Variants in VPS9D1 observed in about 807,000 individuals in gnomAD.
VPS9D1 encodes the protein VPS9 domain containing 1, also known as VPS9 domain-containing protein 1.
A neutral mutation model predicts 75.8 loss-of-function variants in VPS9D1; 78 were observed. The ratio of observed to expected loss-of-function variants is 1.03; its 90% CI spans 0.86 to 1.24. The LOEUF (loss-of-function observed/expected upper bound fraction) is 1.24, where lower values mean the gene tolerates loss of function less well. Among genes scored for constraint, VPS9D1 ranks in the 50% most tolerant of loss-of-function variants. The pLI is 0.00. For missense variants in VPS9D1, 1,057 were observed against 847.7 expected (o/e 1.25, Z -3.07); for synonymous variants, 481 against 385.6 (o/e 1.25, Z -2.90).
In VPS9D1 at chr16:89,716,686, C is replaced by T. The variant is rs73260733; in HGVS notation, c.268+44G>A. 2,223 of 1,596,998 alleles carry T rather than the reference C, an allele frequency of 1.4e-3. 44 individuals are homozygous for T. In the African/African-American group the frequency reaches 0.027, roughly 19 times the overall value. On this transcript the variant is annotated intron_variant, in intron 3 of 14. Transcript: ENST00000389386. ...CCACATCCCACAGAGGAGATGCGGG[C>T]TTGGGGGATGCCCCAGGAGAGCCGC... is the stretch of plus-strand genomic sequence containing the variant.
At chr16:89,708,987 T>A (rs775866167) in intron 12 of VPS9D1, 31 bp from the exon 13 acceptor site, 1 of 1,561,808 alleles carries the variant, frequency 6.4e-7, no homozygotes, top group South Asian at 1.2e-5. Context: ...CAGGGGCAGT[T>A]AACCCCGTCC....
Position 89,708,961 on chromosome 16 carries a change from GC to G in VPS9D1, c.1598-6del, listed in dbSNP as rs749418963. ...AGATGATCCGCAGGGTCCGCACTGC[GC>G]CCCAGACAGGGTTTCAGGGGCAGTT... On this transcript the variant is annotated splice_polypyrimidine_tract_variant and splice_region_variant and intron_variant, in intron 12 of 14. Coordinates refer to ENST00000389386, the MANE Select transcript of VPS9D1 (RefSeq NM_004913.3). 2 of 1,592,966 alleles carry G rather than the reference GC, an allele frequency of 1.3e-6. No homozygotes were observed. Among genetic ancestry groups the G allele is most frequent in the Non-Finnish European group, 1.7e-6 (2 of 1,171,322 alleles).
At chr16:89,720,479 G>A (rs1459358790) in intron 1 of VPS9D1, 2 of 1,106,596 alleles carry the variant, frequency 1.8e-6, no homozygotes, top group Admixed American at 5.1e-5. Flanking sequence ...TGGCCTGGCG[G>A]ACCCTCCTGC....
intron 4 of VPS9D1, among the ~76,000 whole-genome samples, chr16:89,713,976 G>C (rs561254005): frequency 6.6e-6 from 1 of 151,758 alleles, no homozygotes; most frequent in Non-Finnish European, 1.5e-5. Flanking sequence ...TCATTCTGTC[G>C]CCCAGGCTGG....
At chr16:89,718,498 T>A (rs1201321048) in intron 2 of VPS9D1, among the ~76,000 whole-genome samples, 2 of 152,272 alleles carry the variant, frequency 1.3e-5, no homozygotes, top group South Asian at 2.1e-4. Flanking sequence ...AGCCAGTGTC[T>A]TGCCACACCC....
At chr16:89,708,103 G>A (rs2060831766) in intron 14 of VPS9D1, 149 bp from the exon 15 acceptor site, 2 of 749,766 alleles carry the variant, frequency 2.7e-6, no homozygotes, top group Non-Finnish European at 4.5e-6. Context: ...GCTAGAGGAG[G>A]CCTTTCCCAC....
At chr16:89,713,244 T>C (rs1413349777) in intron 4 of VPS9D1, among the ~76,000 whole-genome samples, 2 of 152,064 alleles carry the variant, frequency 1.3e-5, no homozygotes, top group Non-Finnish European at 2.9e-5. Context: ...GCCAGGACTT[T>C]TGGTTTTTCT....
chr16:89,713,485 A>G (rs1048119943), intron 4 of VPS9D1, among the ~76,000 whole-genome samples: 24 of 151,416 alleles, frequency 1.6e-4, no homozygotes, highest in African/African-American at 5.6e-4. Context: ...TGATCTCCTG[A>G]CCTCGTGATC....
rs2060907839 is a variant in VPS9D1, at chr16:89,711,131, G to C, written c.834-121C>G. On this transcript the variant is annotated intron_variant, in intron 9 of 14. Coordinates refer to ENST00000389386, the MANE Select transcript of VPS9D1 (RefSeq NM_004913.3). ...CATTACCTCCTGACAGTGAATGTTG[G>C]AAAGTCTGCCCCCCGCCCCCGCTGG... The C allele has an allele frequency of 5.6e-6, 7 of 1,249,654 alleles. No homozygotes were observed. The South Asian group carries it at 1.1e-4, about 20-fold the overall frequency. 77.4% of individuals were successfully genotyped at this position (1,249,654 alleles called of 1,614,324 possible).
chr16:89,718,105 G>C, intron 2 of VPS9D1: 1 of 454,684 alleles, frequency 2.2e-6, no homozygotes, highest in Non-Finnish European at 4.4e-6. Context: ...CCTGACCTCT[G>C]TGATCCTTTG....
Position 89,720,838 on chromosome 16 carries a change from G to GC in VPS9D1, c.23dup (p.Thr9HisfsTer50), listed in dbSNP as rs1415020553. The GC allele has an allele frequency of 7.0e-7, 1 of 1,426,818 alleles. No homozygotes were observed. The highest frequency in any genetic ancestry group is 9.2e-7 in the Non-Finnish European group (1 of 1,084,302). The allele number at this position is 1,426,818 out of a possible 1,614,324, so 88.4% of individuals were successfully genotyped here. On this transcript the variant is annotated frameshift_variant, in exon 1 of 15. Coordinates refer to ENST00000389386, the MANE Select transcript of VPS9D1 (RefSeq NM_004913.3). LOFTEE classifies it high-confidence loss of function. ...TGGCGCTCTGCAGCGGCTTCACCGT[G>GC]CCGTCCCCGGCCGCAGCGGCCATGG...
intron 1 of VPS9D1, among the ~76,000 whole-genome samples, chr16:89,719,975 C>T (rs2061204707): frequency 1.3e-5 from 2 of 152,202 alleles, no homozygotes; most frequent in Admixed American, 1.3e-4. Context: ...GCCTGGGCCT[C>T]CCAAAGTGTC....
Position 89,711,890 on chromosome 16 carries a change from G to T in VPS9D1, c.739C>A (p.Gln247Lys), listed in dbSNP as rs1455351267. 1.3e-6 allele frequency: 2 copies of T among 1,550,848 alleles called. No homozygotes were observed. The highest frequency in any genetic ancestry group is 1.7e-6 in the Non-Finnish European group (2 of 1,146,904). The change falls in exon 8 of 15, where the codon CAG (glutamine) becomes AAG (lysine). Residue 247 changes from glutamine (Q) to lysine (K), a missense_variant. Physicochemically the swap from Gln to Lys is moderately conservative, Grantham distance 53. Transcript: ENST00000389386. ...GCCCGTGGGGGACGCACATGGTCCT[G>T]TTCGTACTCCAGGATGGCGGCGTAA... The part of the protein sequence containing the change: ...ALYAAILEYE[Q>K]DHDWPKHWKA...
At chr16:89,716,996 C>T in intron 2 of VPS9D1, 174 bp from the exon 3 acceptor site, 1 of 507,400 alleles carries the variant, frequency 2.0e-6, no homozygotes, top group South Asian at 2.5e-5. Flanking sequence ...GGCAAGCCCA[C>T]TGCCCCCCCA....
chr16:89,717,362 T>C (rs996794841), intron 2 of VPS9D1: 2 of 353,556 alleles, frequency 5.7e-6, no homozygotes, highest in Non-Finnish European at 5.6e-6. Flanking sequence ...GAAGTGGCCG[T>C]TTTACAGAGA....
At position 89,712,445 on chromosome 16, in the gene VPS9D1, G is replaced by A. The variant is rs758406677; in HGVS notation, c.606+15C>T. 1.7e-5 allele frequency: 28 copies of A among 1,612,640 alleles called. No individual in the cohort carries two copies. The highest frequency in any genetic ancestry group is 6.7e-5 in the East Asian group (3 of 44,882). ...GTTTCCCCTCGGGGACCACCAGGGC[G>A]GTCAGAAAGGCTGCTGTCTCCTCCC... On this transcript the variant is annotated intron_variant, in intron 6 of 14. Transcript: ENST00000389386.
rs974836966 is a variant in VPS9D1 at position 89,709,710 on chromosome 16, A to G, written c.1388+67T>C. The G allele has an allele frequency of 3.1e-6, 5 of 1,607,222 alleles. No individual in the cohort carries two copies. In the African/African-American group the frequency reaches 5.3e-5, roughly 17 times the overall value. On this transcript the variant is annotated intron_variant, in intron 11 of 14. Coordinates refer to ENST00000389386, the MANE Select transcript of VPS9D1 (RefSeq NM_004913.3). ...AGCAGACAGTGCCAGGGAGCAGGGC[A>G]GGCCTCCTGGGGGACTGGGCTGGAA...
Position 89,709,647 on chromosome 16 carries a change from G to A in VPS9D1, c.1388+130C>T, listed in dbSNP as rs2060869855. The A allele has an allele frequency of 4.1e-6, 6 of 1,477,646 alleles. No individual in the cohort carries two copies. The Admixed American group carries it at 7.5e-5, about 18-fold the overall frequency. 91.5% of individuals were successfully genotyped at this position (1,477,646 alleles called of 1,614,324 possible). ...AGGATGGCCTCAGGGTAAAGCACAG[G>A]CTAGGGGGAGCAAACACGAGTCTTG... On this transcript the variant is annotated intron_variant, in intron 11 of 14. Transcript: ENST00000389386.
At chr16:89,720,015 G>A (rs938450596) in intron 1 of VPS9D1, among the ~76,000 whole-genome samples, 3 of 152,160 alleles carry the variant, frequency 2.0e-5, no homozygotes, top group Admixed American at 6.5e-5. Flanking sequence ...ACAGCGCCCA[G>A]CAATATGCTA....
Sources: gnomAD v4.1 joint callset for allele counts (sites outside exome capture counted in the v4.1 genomes callset) on GRCh38, gnomAD v4.1.1 for gene constraint, MANE v1.5 for transcripts, NCBI Gene and HGNC (gene_info 2026-07-23, HGNC 2026-07-21) for gene names.